EXOC6: variants seen among roughly 807,000 people sequenced by gnomAD.
The protein encoded by EXOC6 is SEC15-like 1.
In EXOC6, 60 loss-of-function variants were observed where a neutral mutation model predicts 112.5. The observed-to-expected ratio is 0.53, with a 90% confidence interval of 0.43 to 0.66. EXOC6 has a LOEUF of 0.66. Ranked by LOEUF, EXOC6 falls within the 30% of genes least tolerant of loss-of-function variation. EXOC6 has a pLI of 0.00. For missense variants in EXOC6, 855 were observed against 957.1 expected, an observed-to-expected ratio of 0.89 and a Z score of 1.41; for synonymous variants, 295 against 308.0, an observed-to-expected ratio of 0.96 and a Z score of 0.44.
At chr10:92,912,755 A>C (rs930330573) in intron 6 of EXOC6, among the ~76,000 whole-genome samples, 3 of 152,204 alleles carry the variant, frequency 2.0e-5, no homozygotes, top group African/African-American at 7.2e-5. Context: ...GAAGGTAGAC[A>C]ACCAGTCAGA....
At chr10:92,925,509 G>A (rs1462896935) in intron 8 of EXOC6, among the ~76,000 whole-genome samples, 1 of 152,048 alleles carries the variant, frequency 6.6e-6, no homozygotes, top group African/African-American at 2.4e-5. Context: ...TGGCCAGGTT[G>A]GTCTCGAACT....
chr10:92,954,932 C>T (rs1853607476), intron 16 of EXOC6, among the ~76,000 whole-genome samples, 191 bp downstream of exon 16: 1 of 152,108 alleles, frequency 6.6e-6, no homozygotes, highest in Admixed American at 6.6e-5. Context: ...TGGCTCATAC[C>T]TCTAATCCGA....
At chr10:92,854,346 G>A (rs529884547) in intron 1 of EXOC6, among the ~76,000 whole-genome samples, 28 of 151,780 alleles carry the variant, frequency 1.8e-4, no homozygotes, top group African/African-American at 6.0e-4. Flanking sequence ...CTGAGGCAGG[G>A]GAATCACTTG....
At chr10:92,995,313 A>G (rs74769961) in intron 18 of EXOC6, among the ~76,000 whole-genome samples, 6 of 152,270 alleles carry the variant, frequency 3.9e-5, no homozygotes, top group African/African-American at 9.6e-5. Context: ...TGCTATTGCT[A>G]TGTAATCATT....
chr10:93,055,869 A>G (rs1198305024), intron 20 of EXOC6, among the ~76,000 whole-genome samples: 2 of 152,184 alleles, frequency 1.3e-5, no homozygotes, highest in African/African-American at 4.8e-5. Context: ...CTTCATCAAG[A>G]AAAGCTAGTT....
intron 13 of EXOC6, among the ~76,000 whole-genome samples, chr10:92,941,072 C>T (rs1388900972): frequency 1.3e-5 from 2 of 152,070 alleles, no homozygotes; most frequent in Non-Finnish European, 2.9e-5. Context: ...ACTCACTTAA[C>T]AATAACTCTC....
intron 12 of EXOC6, 64 bp downstream of exon 12, chr10:92,935,949 A>C (rs1006829667): frequency 2.0e-6 from 2 of 1,009,088 alleles, no homozygotes; most frequent in Admixed American, 2.2e-5. Flanking sequence ...AATATAGGCT[A>C]TACTCATTTA....
At chr10:93,052,951 G>T (rs1036596812) in intron 20 of EXOC6, among the ~76,000 whole-genome samples, 3 of 152,290 alleles carry the variant, frequency 2.0e-5, no homozygotes, top group South Asian at 2.1e-4. Flanking sequence ...AAGAGATTTT[G>T]TGTGATTAAT....
At chr10:92,858,368 A>G (rs1386650351) in intron 1 of EXOC6, among the ~76,000 whole-genome samples, 1 of 152,082 alleles carries the variant, frequency 6.6e-6, no homozygotes, top group East Asian at 1.9e-4. Context: ...TGGTGTGCTT[A>G]ATGATGTCCA....
chr10:92,927,785 A>G (rs976584759), intron 8 of EXOC6, among the ~76,000 whole-genome samples: 1 of 152,216 alleles, frequency 6.6e-6, no homozygotes, highest in Non-Finnish European at 1.5e-5. Flanking sequence ...AGCTTTCTCA[A>G]GGAAGTGATA....
chr10:92,876,309 T>C (rs1343158521), intron 1 of EXOC6, among the ~76,000 whole-genome samples: 1 of 152,214 alleles, frequency 6.6e-6, no homozygotes, highest in Non-Finnish European at 1.5e-5. Flanking sequence ...TATTGAACAT[T>C]GCCAATGTTT....
Position 92,934,136 on chromosome 10 carries a change from A to G in EXOC6, c.973-8A>G, listed in dbSNP as rs749840504. On this transcript the variant is annotated splice_polypyrimidine_tract_variant and splice_region_variant and intron_variant, in intron 9 of 21. Coordinates refer to ENST00000260762, the MANE Select transcript of EXOC6 (RefSeq NM_019053.6). ...TGGTTTAAATTGATTTTTATTTTTC[A>G]TTTTAAGCATGAAACAGTTGATGGC... The G allele has an allele frequency of 3.8e-5, 58 of 1,514,224 alleles. No individual in the cohort carries two copies. Among genetic ancestry groups the G allele is most frequent in the Non-Finnish European group, 5.1e-5 (56 of 1,102,504 alleles). 93.8% of individuals were successfully genotyped at this position (1,514,224 alleles called of 1,614,324 possible). A position where few individuals can be genotyped will look rare whatever the true frequency, so the allele number is the denominator to read the frequency against.
intron 14 of EXOC6, among the ~76,000 whole-genome samples, chr10:92,951,621 A>G (rs768727755): frequency 3.3e-5 from 5 of 152,230 alleles, no homozygotes; most frequent in Non-Finnish European, 5.9e-5. Context: ...TTACTGAAAT[A>G]GAAAAGAGGG....
chr10:92,850,672 T>G (rs976401854), intron 1 of EXOC6, among the ~76,000 whole-genome samples: 2 of 152,218 alleles, frequency 1.3e-5, no homozygotes, highest in Admixed American at 6.5e-5. Context: ...TCTTGTTTGA[T>G]CTCTTCCCTT....
chr10:93,018,449 C>T (rs1046545520), intron 20 of EXOC6, among the ~76,000 whole-genome samples: 4 of 152,114 alleles, frequency 2.6e-5, no homozygotes, highest in Non-Finnish European at 5.9e-5. Context: ...TACCCAAACA[C>T]ATCATTATTG....
Position 93,023,843 on chromosome 10 carries a change from T to C in EXOC6, c.2169+9576T>C, listed in dbSNP as rs187618388. ...TGCAGTATTCAGTGATAATTTTTTA[T>C]AACTTATTTTTTTAATAACTCATTC... On this transcript the variant is annotated intron_variant, in intron 20 of 21. Transcript: ENST00000260762. Among the ~76,000 whole-genome samples the C allele has an allele frequency of 1.1e-3, 165 of 152,222 alleles. 1 individual carries two copies. Among genetic ancestry groups the C allele is most frequent in the African/African-American group, 3.8e-3 (156 of 41,580 alleles).
chr10:92,951,379 A>G (rs1407672605), intron 14 of EXOC6, among the ~76,000 whole-genome samples: 1 of 152,152 alleles, frequency 6.6e-6, no homozygotes, highest in Non-Finnish European at 1.5e-5. Flanking sequence ...GAAATAGAGT[A>G]GGTAGAGAAA....
chr10:92,852,096 C>T (rs937785583), intron 1 of EXOC6, among the ~76,000 whole-genome samples: 5 of 152,156 alleles, frequency 3.3e-5, no homozygotes, highest in African/African-American at 1.2e-4. Flanking sequence ...TTATGAACAA[C>T]TTCATGCTCA....
chr10:92,975,614 T>G (rs1280800314), intron 18 of EXOC6, among the ~76,000 whole-genome samples: 1 of 112,634 alleles, frequency 8.9e-6, no homozygotes, highest in Admixed American at 8.8e-5. Flanking sequence ...GGGAGGGAGG[T>G]TGGGGGGTCA....
Sources: gnomAD v4.1 joint callset for allele counts (sites outside exome capture counted in the v4.1 genomes callset) on GRCh38, gnomAD v4.1.1 for gene constraint, MANE v1.5 for transcripts, NCBI Gene and HGNC (gene_info 2026-07-23, HGNC 2026-07-21) for gene names.